The following FBXL20 variants were observed in gnomAD, a reference collection of about 807,000 sequenced individuals.
FBXL20 encodes the protein F-box/LRR-repeat protein 20.
In FBXL20, 11 loss-of-function variants were observed where a neutral mutation model predicts 64.0. That is an observed-to-expected ratio of 0.17 (90% CI 0.11 to 0.28). The LOEUF is 0.28. Ranked by LOEUF, FBXL20 falls within the 10% of genes least tolerant of loss-of-function variation. The pLI, the probability that FBXL20 is intolerant of heterozygous loss-of-function variation, is 1.00. For synonymous variants in FBXL20, 184 were observed against 189.0 expected, an observed-to-expected ratio of 0.97 and a Z score of 0.22; for missense variants, 303 against 526.2, an observed-to-expected ratio of 0.58 and a Z score of 4.15.
At chr17:39,297,271 T>C (rs2047094505) in intron 5 of FBXL20, 76 bp from the exon 6 acceptor site, 1 of 813,920 alleles carries the variant, frequency 1.2e-6, no homozygotes, top group Non-Finnish European at 2.0e-6. Context: ...ATAAAATATA[T>C]TATTATTGGT....
chr17:39,267,817 C>T (rs72823390), intron 12 of FBXL20, among the ~76,000 whole-genome samples: 3,107 of 152,158 alleles, frequency 0.02, 73 homozygotes, highest in Admixed American at 0.064. Context: ...AGGAATAACA[C>T]TGGAAGGGAC....
intron 1 of FBXL20, among the ~76,000 whole-genome samples, chr17:39,400,785 G>A (rs1389837300): frequency 2.0e-5 from 3 of 152,170 alleles, no homozygotes; most frequent in South Asian, 2.1e-4. Flanking sequence ...GGAACAATGA[G>A]CTACAGAAGT....
In FBXL20 at chr17:39,278,206, C is replaced by T. The variant is rs529754038; in HGVS notation, c.697-3106G>A. 1.1e-4 allele frequency among the ~76,000 whole-genome samples: 17 copies of T among 151,210 alleles called. No individual in the cohort carries two copies. In the South Asian group the frequency reaches 1.3e-3, roughly 11 times the overall value. The stretch of plus-strand genomic sequence containing the variant: ...TGCTGCCCAGGCTGGAGTGCAGTGG[C>T]GTGCTCTTGGCTCACCGCTACATCT... On this transcript the variant is annotated intron_variant, in intron 9 of 14. Coordinates refer to ENST00000264658, the MANE Select transcript of FBXL20 (RefSeq NM_032875.3).
At chr17:39,369,310 T>C (rs2047892290) in intron 1 of FBXL20, among the ~76,000 whole-genome samples, 1 of 136,824 alleles carries the variant, frequency 7.3e-6, no homozygotes, top group African/African-American at 2.8e-5. Flanking sequence ...GAGGCTGGAG[T>C]GCAGTGGTGT....
intron 10 of FBXL20, 73 bp downstream of exon 10, chr17:39,274,897 G>C (rs2046876180): frequency 1.3e-6 from 2 of 1,592,638 alleles, no homozygotes; most frequent in African/African-American, 1.4e-5. Context: ...AAATTCCAAA[G>C]TTCCAAGGAA....
At chr17:39,272,377 T>C (rs891395397) in intron 10 of FBXL20, among the ~76,000 whole-genome samples, 2 of 126,190 alleles carry the variant, frequency 1.6e-5, no homozygotes, top group African/African-American at 2.7e-5. Flanking sequence ...AGAGCGAGAC[T>C]TTGTCTCAAA....
Position 39,364,732 on chromosome 17 carries a change from A to G in FBXL20, c.43-21491T>C, listed in dbSNP as rs188710398. On this transcript the variant is annotated intron_variant, in intron 1 of 14. Coordinates refer to ENST00000264658, the MANE Select transcript of FBXL20 (RefSeq NM_032875.3). ...CCTGCAGCCATCTAAGGAAGTCCAC[A>G]CTAAACTCCTGAATGATGAGAGATC... Among the ~76,000 whole-genome samples the G allele has an allele frequency of 2.0e-3, 309 of 152,376 alleles. 2 individuals carry two copies. Among genetic ancestry groups the G allele is most frequent in the African/African-American group, 7.1e-3 (295 of 41,590 alleles).
At chr17:39,285,659 A>T (rs752144768) in intron 6 of FBXL20, 86 bp from the exon 7 acceptor site, 3 of 745,940 alleles carry the variant, frequency 4.0e-6, no homozygotes, top group Non-Finnish European at 6.1e-6. Flanking sequence ...TATTAAACAC[A>T]TGTGTATATA....
At chr17:39,366,953 G>T (rs540865648) in intron 1 of FBXL20, among the ~76,000 whole-genome samples, 2 of 148,862 alleles carry the variant, frequency 1.3e-5, no homozygotes, top group South Asian at 2.1e-4. Context: ...GCACAATCTC[G>T]ACTCACTGCA....
chr17:39,290,591 G>C (rs2047028895), intron 6 of FBXL20, among the ~76,000 whole-genome samples: 1 of 152,058 alleles, frequency 6.6e-6, no homozygotes, highest in African/African-American at 2.4e-5. Flanking sequence ...TTGAGACAGG[G>C]CTTCAGTCTT....
intron 1 of FBXL20, among the ~76,000 whole-genome samples, chr17:39,361,223 T>C (rs753792598): frequency 6.6e-5 from 10 of 150,832 alleles, no homozygotes; most frequent in African/African-American, 1.2e-4. Context: ...GAAGAAGGAG[T>C]TGGAGGATCA....
At chr17:39,322,229 A>G (rs1490117393) in intron 2 of FBXL20, among the ~76,000 whole-genome samples, 2 of 151,138 alleles carry the variant, frequency 1.3e-5, no homozygotes, top group Non-Finnish European at 1.5e-5. Flanking sequence ...TCATGTGTGC[A>G]TATGTGTTTT....
intron 6 of FBXL20, among the ~76,000 whole-genome samples, chr17:39,293,312 C>T (rs1470422933): frequency 1.3e-5 from 2 of 151,732 alleles, no homozygotes; most frequent in African/African-American, 4.8e-5. Context: ...ACCTCCGCAT[C>T]CTGGGTTTGA....
chr17:39,339,245 A>G (rs755799153), intron 2 of FBXL20, among the ~76,000 whole-genome samples: 59 of 152,134 alleles, frequency 3.9e-4, no homozygotes, highest in South Asian at 1.0e-3. Flanking sequence ...AAAAAATAAG[A>G]AAATTAGCCA....
chr17:39,380,665 T>C (rs1300484198), intron 1 of FBXL20, among the ~76,000 whole-genome samples: 1 of 152,188 alleles, frequency 6.6e-6, no homozygotes, highest in Non-Finnish European at 1.5e-5. Context: ...TATTATTTAC[T>C]CTTTTATGTT....
intron 1 of FBXL20, among the ~76,000 whole-genome samples, chr17:39,399,627 C>CT (rs1197540928): frequency 3.3e-5 from 5 of 151,926 alleles, no homozygotes; most frequent in South Asian, 2.1e-4. Context: ...CCACCTTATT[C>CT]TTTTTTTTAC....
chr17:39,363,279 G>A (rs1001059944), intron 1 of FBXL20, among the ~76,000 whole-genome samples: 1 of 152,008 alleles, frequency 6.6e-6, no homozygotes, highest in African/African-American at 2.4e-5. Flanking sequence ...CTCCCAAAGT[G>A]CTGGGATTAT....
intron 1 of FBXL20, among the ~76,000 whole-genome samples, chr17:39,347,098 C>A (rs1355607886): frequency 6.6e-6 from 1 of 152,110 alleles, no homozygotes; most frequent in Admixed American, 6.5e-5. Context: ...CATTGATGGA[C>A]GTTTGGGTTG....
rs532983984 is a variant in FBXL20, at chr17:39,266,971, G to A, written c.934-1518C>T. 4.0e-5 allele frequency among the ~76,000 whole-genome samples: 6 copies of A among 151,342 alleles called. No homozygotes were observed. In the Middle Eastern group the frequency reaches 0.014, roughly 348 times the overall value. ...AGAAATTCAAGACCAGTCTGAGCAG[G>A]GCCAGACATGGTAGTTCACGCTTGT... On this transcript the variant is annotated intron_variant, in intron 12 of 14. Coordinates refer to ENST00000264658, the MANE Select transcript of FBXL20 (RefSeq NM_032875.3).
Sources: allele counts gnomAD v4.1 joint callset (sites outside exome capture counted in the v4.1 genomes callset), GRCh38; gene constraint gnomAD v4.1.1; transcripts MANE v1.5; gene names NCBI Gene and HGNC (gene_info 2026-07-23, HGNC 2026-07-21).